Variants in TFEC observed in about 807,000 individuals in gnomAD.
The protein encoded by TFEC is class E basic helix-loop-helix protein 34.
In TFEC, 31 loss-of-function variants were observed where a neutral mutation model predicts 41.6. The ratio of observed to expected loss-of-function variants is 0.74; its 90% CI spans 0.56 to 1.01. The LOEUF (loss-of-function observed/expected upper bound fraction) is 1.01. Ranked by LOEUF, TFEC falls within the 50% of genes least tolerant of loss-of-function variation. TFEC has a pLI of 0.00. For missense variants in TFEC, 402 were observed against 404.1 expected (o/e 0.99, Z 0.04); for synonymous variants, 143 against 140.6 (o/e 1.02, Z -0.12).
intron 1 of TFEC, among the ~76,000 whole-genome samples, chr7:115,988,251 C>G (rs1354045847): frequency 6.6e-6 from 1 of 151,932 alleles, no homozygotes; most frequent in South Asian, 2.1e-4. Context: ...TCAGATATGG[C>G]ATGGAAGTTA....
intron 3 of TFEC, among the ~76,000 whole-genome samples, chr7:116,063,915 A>C (rs1257122197): frequency 5.3e-5 from 8 of 152,172 alleles, no homozygotes; most frequent in Non-Finnish European, 1.2e-4. Context: ...GGGAGTGCAG[A>C]TATTTCTTCG....
chr7:116,033,133 CA>C (rs58740686), upstream of TFEC, among the ~76,000 whole-genome samples: 87,147 of 147,626 alleles, frequency 0.59, 25,288 homozygotes, highest in East Asian at 0.75. Context: ...CATGATTCAT[CA>C]AAAAAAAAAA....
chr7:116,068,787 G>A (rs1306192131), intron 3 of TFEC, among the ~76,000 whole-genome samples: 6 of 151,528 alleles, frequency 4.0e-5, no homozygotes, highest in Non-Finnish European at 3.0e-5. Context: ...GATACATCTA[G>A]ATTTTTAATT....
chr7:116,109,029 G>A (rs1797786250), intron 3 of TFEC, among the ~76,000 whole-genome samples: 1 of 151,880 alleles, frequency 6.6e-6, no homozygotes, highest in Admixed American at 6.6e-5. Context: ...TATGGAGAAA[G>A]CTGAAACTGG....
intron 1 of TFEC, among the ~76,000 whole-genome samples, chr7:115,988,261 A>G (rs1375792682): frequency 6.6e-6 from 1 of 152,192 alleles, no homozygotes; most frequent in African/African-American, 2.4e-5. Context: ...CATGGAAGTT[A>G]AAATTATCAG....
chr7:116,141,976 G>A (rs886950652), intron 1 of TFEC, among the ~76,000 whole-genome samples: 1 of 152,126 alleles, frequency 6.6e-6, no homozygotes, highest in African/African-American at 2.4e-5. Flanking sequence ...TATTATTATG[G>A]TCTGGTTTGG....
Position 116,069,754 on chromosome 7 carries a change from G to T in TFEC, c.198+40954C>A, listed in dbSNP as rs1348253292. On this transcript the variant is annotated intron_variant, in intron 3 of 8. Transcript: ENST00000484212. The stretch of plus-strand genomic sequence containing the variant: ...GTTGATGGGGTTCATGGTTTCTTGT[G>T]TGGAAAATCACAAAAGCATCCTACA... Among the ~76,000 whole-genome samples, 4 of 151,590 alleles carry T rather than the reference G, an allele frequency of 2.6e-5. No homozygotes were observed. In the East Asian group the frequency reaches 7.7e-4, roughly 29 times the overall value.
intron 3 of TFEC, among the ~76,000 whole-genome samples, chr7:115,965,615 T>C (rs1283445152): frequency 6.6e-5 from 10 of 151,690 alleles, no homozygotes; most frequent in Admixed American, 2.6e-4. Flanking sequence ...ATTCAGTGCA[T>C]TGGCAACATA....
At position 116,088,200 on chromosome 7, in the gene TFEC, C is replaced by G. The variant is rs78999038; in HGVS notation, c.198+22508G>C. On this transcript the variant is annotated intron_variant, in intron 3 of 8. Transcript: ENST00000484212. ...CTTGCTTGGGGAAGCATTCTCTAACCTTCTCAAAGAGTGGATTGGACAACC... is the reference window on the plus strand; with the variant it reads ...CTTGCTTGGGGAAGCATTCTCTAACGTTCTCAAAGAGTGGATTGGACAACC... Among the ~76,000 whole-genome samples, 1,293 of 152,184 alleles carry G rather than the reference C, an allele frequency of 8.5e-3. 21 individuals are homozygous for G. Among genetic ancestry groups the G allele is most frequent in the African/African-American group, 0.029 (1,214 of 41,544 alleles).
chr7:116,086,853 C>T (rs1255176844), intron 3 of TFEC, among the ~76,000 whole-genome samples: 1 of 151,826 alleles, frequency 6.6e-6, no homozygotes, highest in South Asian at 2.1e-4. Flanking sequence ...ATTTCTACTC[C>T]CACATATGTT....
chr7:116,073,777 T>TA (rs1318091353), intron 3 of TFEC, among the ~76,000 whole-genome samples: 1 of 151,934 alleles, frequency 6.6e-6, no homozygotes, highest in Admixed American at 6.6e-5. Context: ...AATTTGGAAC[T>TA]GGTCAAGAAT....
intron 3 of TFEC, among the ~76,000 whole-genome samples, chr7:116,107,332 G>A (rs1254558195): frequency 1.3e-5 from 2 of 152,148 alleles, no homozygotes; most frequent in Non-Finnish European, 2.9e-5. Context: ...AAAAAACTGA[G>A]CATAGCACTT....
intron 1 of TFEC, among the ~76,000 whole-genome samples, chr7:116,115,008 C>T (rs369171085): frequency 1.3e-5 from 2 of 151,986 alleles, no homozygotes; most frequent in African/African-American, 4.8e-5. Flanking sequence ...GAGGGATAGC[C>T]AAGAAAAGTA....
chr7:116,108,795 C>T lies in TFEC; in HGVS notation c.198+1913G>A, dbSNP rs192745312. Among the ~76,000 whole-genome samples the T allele has an allele frequency of 2.4e-4, 36 of 152,276 alleles. 2 individuals carry two copies. In the East Asian group the frequency reaches 2.7e-3, roughly 11 times the overall value. On this transcript the variant is annotated intron_variant, in intron 3 of 8. Coordinates refer to the TFEC transcript ENST00000484212. The stretch of plus-strand genomic sequence containing the variant: ...ACACTGTGATAGACCCTCTACAAAA[C>T]GTAATCTTCAGTCAAACTTCATAAG...
At chr7:116,135,146 C>G (rs1407974757) in intron 1 of TFEC, among the ~76,000 whole-genome samples, 1 of 151,970 alleles carries the variant, frequency 6.6e-6, no homozygotes, top group South Asian at 2.1e-4. Flanking sequence ...ACAGAGCCAC[C>G]GTGTACCATT....
At position 116,132,701 on chromosome 7, in the gene TFEC, T is replaced by G. The variant is rs116648606; in HGVS notation, c.-68-20663A>C. The stretch of plus-strand genomic sequence containing the variant: ...AACTGTGAAAATGGAAAATAACATT[T>G]TAGCAATAAAATGTTTTAGGAGACA... On this transcript the variant is annotated intron_variant, in intron 1 of 8. Coordinates refer to the TFEC transcript ENST00000484212. 8.0e-3 allele frequency among the ~76,000 whole-genome samples: 1,226 copies of G among 152,344 alleles called. 20 individuals are homozygous for G. The highest frequency in any genetic ancestry group is 0.028 in the African/African-American group (1,146 of 41,580).
At chr7:116,077,834 C>T in intron 3 of TFEC, among the ~76,000 whole-genome samples, 1 of 151,958 alleles carries the variant, frequency 6.6e-6, no homozygotes, top group East Asian at 1.9e-4. Flanking sequence ...TAGTGGGGGA[C>T]TTTAATACTC....
At chr7:115,981,109 A>C (rs1183588851) in intron 2 of TFEC, among the ~76,000 whole-genome samples, 1 of 152,076 alleles carries the variant, frequency 6.6e-6, no homozygotes, top group Admixed American at 6.5e-5. Flanking sequence ...CCAGATCTGC[A>C]TTTAAGTCCT....
chr7:116,054,469 T>G (rs145627289), intron 3 of TFEC, among the ~76,000 whole-genome samples: 3 of 152,262 alleles, frequency 2.0e-5, no homozygotes, highest in Admixed American at 1.3e-4. Context: ...AAATATTATA[T>G]AGCAGTACTG....
Sources: allele counts gnomAD v4.1 joint callset (sites outside exome capture counted in the v4.1 genomes callset), GRCh38; gene constraint gnomAD v4.1.1; transcripts MANE v1.5; gene names NCBI Gene and HGNC (gene_info 2026-07-23, HGNC 2026-07-21).